The following FLACC1 variants were observed in gnomAD, a reference collection of about 807,000 sequenced individuals.
FLACC1 encodes flagellum associated containing coiled-coil domains 1.
A neutral mutation model predicts 62.8 loss-of-function variants in FLACC1; 66 were observed. The observed-to-expected ratio is 1.05, with a 90% CI of 0.86 to 1.29. The LOEUF (loss-of-function observed/expected upper bound fraction) is 1.29, where lower values mean the gene tolerates loss of function less well. Among genes scored for constraint, FLACC1 ranks in the 50% most tolerant of loss-of-function variants. The pLI, the probability that FLACC1 is intolerant of heterozygous loss-of-function variation, is 0.00. For missense variants in FLACC1, 452 were observed against 489.1 expected (o/e 0.92, Z 0.71); for synonymous variants, 156 against 161.0 (o/e 0.97, Z 0.24).
Position 201,288,737 on chromosome 2 carries a change from G to A in FLACC1, c.1187C>T (p.Ser396Phe). 6.2e-7 allele frequency: 1 copy of A among 1,613,888 alleles called. No homozygotes were observed. The highest frequency in any genetic ancestry group is 8.5e-7 in the Non-Finnish European group (1 of 1,179,958). The stretch of plus-strand genomic sequence containing the variant: ...AACAGTAATAGAGGCCAATCTCCCA[G>A]AACATCCTTCACAAATTTCTTCATT... Reference protein sequence around the residue: ...SKNEEICEGCSGRLASITVSK... With the variant: ...SKNEEICEGCFGRLASITVSK... Residue 396 changes from serine to phenylalanine, a missense_variant, in exon 15 of 15, where the codon TCT (serine) becomes TTT (phenylalanine). Transcript: ENST00000392257.
intron 5 of FLACC1, among the ~76,000 whole-genome samples, chr2:201,345,868 A>G (rs1950903249): frequency 6.6e-6 from 1 of 152,106 alleles, no homozygotes; most frequent in African/African-American, 2.4e-5. Context: ...GTATTTTTGG[A>G]CATAATGAAA....
intron 7 of FLACC1, among the ~76,000 whole-genome samples, chr2:201,332,595 T>A (rs1448902514): frequency 6.6e-6 from 1 of 152,166 alleles, no homozygotes; most frequent in Non-Finnish European, 1.5e-5. Flanking sequence ...TTAGCAATTT[T>A]GAAATGTCCA....
At chr2:201,320,791 T>A (rs931856901) in intron 9 of FLACC1, among the ~76,000 whole-genome samples, 1 of 152,200 alleles carries the variant, frequency 6.6e-6, no homozygotes, top group South Asian at 2.1e-4. Context: ...TCTTGGGGGC[T>A]ATATAGCCCC....
chr2:201,316,021 A>G (rs1254268344), intron 9 of FLACC1, among the ~76,000 whole-genome samples: 1 of 152,158 alleles, frequency 6.6e-6, no homozygotes, highest in East Asian at 1.9e-4. Context: ...ACAGTGACAT[A>G]AAACCTATCA....
chr2:201,330,096 T>C (rs1301835931), intron 9 of FLACC1, among the ~76,000 whole-genome samples: 1 of 152,128 alleles, frequency 6.6e-6, no homozygotes, highest in Non-Finnish European at 1.5e-5. Flanking sequence ...AAAGAACATA[T>C]AAAAAATATA....
At chr2:201,330,692 C>T (rs891514522) in intron 8 of FLACC1, 44 bp downstream of exon 8, 1 of 1,598,252 alleles carries the variant, frequency 6.3e-7, no homozygotes, top group South Asian at 1.1e-5. Flanking sequence ...AATGCCATTG[C>T]CTGGACCTTC....
At chr2:201,331,737 T>C (rs925714765) in intron 7 of FLACC1, among the ~76,000 whole-genome samples, 21 of 152,314 alleles carry the variant, frequency 1.4e-4, no homozygotes, top group African/African-American at 4.6e-4. Context: ...GCGAAGCAGA[T>C]TTTTAGGGCA....
chr2:201,297,969 A>G (rs1203848975), intron 12 of FLACC1, among the ~76,000 whole-genome samples: 1 of 151,952 alleles, frequency 6.6e-6, no homozygotes, highest in Non-Finnish European at 1.5e-5. Flanking sequence ...AACATCAAAG[A>G]CCCCCAGGTA....
At chr2:201,332,947 T>A (rs1191906891) in intron 7 of FLACC1, among the ~76,000 whole-genome samples, 1 of 152,232 alleles carries the variant, frequency 6.6e-6, no homozygotes. Context: ...ATTTTCTTTA[T>A]CCATTGATCA....
At chr2:201,323,029 T>G (rs1041175377) in intron 9 of FLACC1, among the ~76,000 whole-genome samples, 1 of 151,320 alleles carries the variant, frequency 6.6e-6, no homozygotes, top group Admixed American at 6.6e-5. Context: ...ACTAACCCAA[T>G]CAGACAAAAA....
intron 11 of FLACC1, among the ~76,000 whole-genome samples, chr2:201,304,809 C>A (rs778778466): frequency 6.6e-6 from 1 of 152,056 alleles, no homozygotes; most frequent in African/African-American, 2.4e-5. Flanking sequence ...CTTTGACAAA[C>A]CTGACAAAAA....
chr2:201,335,272 T>C (rs1190490580), intron 7 of FLACC1, among the ~76,000 whole-genome samples: 1 of 128,602 alleles, frequency 7.8e-6, no homozygotes, highest in African/African-American at 2.5e-5. Context: ...CTAGACTCTA[T>C]TTCATTTATT....
chr2:201,289,053 A>G (rs903024550), intron 14 of FLACC1, among the ~76,000 whole-genome samples: 2 of 152,256 alleles, frequency 1.3e-5, no homozygotes, highest in Admixed American at 1.3e-4. Context: ...ATGCAGCTTC[A>G]GGTAACAGTA....
At chr2:201,311,538 C>A (rs1421126967) in intron 9 of FLACC1, among the ~76,000 whole-genome samples, 2 of 151,772 alleles carry the variant, frequency 1.3e-5, no homozygotes, top group Admixed American at 6.6e-5. Flanking sequence ...TGATATGAGA[C>A]CCCACATCTA....
At position 201,351,445 on chromosome 2, in the gene FLACC1, G is replaced by A. The variant is rs371594251; in HGVS notation, c.-41C>T. The A allele has an allele frequency of 6.9e-7, 1 of 1,455,504 alleles. No homozygotes were observed. The highest frequency in any genetic ancestry group is 1.4e-5 in the African/African-American group (1 of 71,302). The allele number at this position is 1,455,504 out of a possible 1,614,324, so 90.2% of individuals were successfully genotyped here. Reference sequence around the variant, plus strand: ...GGAGTCTTGGCTGCTAGATCAGGAGGCTCTTGCTGAAATTGAAAAACAACA... The same window carrying A: ...GGAGTCTTGGCTGCTAGATCAGGAGACTCTTGCTGAAATTGAAAAACAACA... On this transcript the variant is annotated 5_prime_UTR_variant, in exon 2 of 15. Transcript: ENST00000392257.
intron 9 of FLACC1, among the ~76,000 whole-genome samples, chr2:201,314,466 A>C (rs932375404): frequency 3.9e-5 from 6 of 152,190 alleles, no homozygotes; most frequent in Admixed American, 3.9e-4. Flanking sequence ...AAGGTTTTTG[A>C]ATTAACCCAA....
At chr2:201,356,889 C>T (rs535581345) in intron 1 of FLACC1, 93 bp downstream of exon 1, 1 of 152,288 alleles carries the variant, frequency 6.6e-6, no homozygotes, top group African/African-American at 2.4e-5. Flanking sequence ...ACAATAGTCA[C>T]CAGTGAGCCG....
At chr2:201,344,412 G>A in intron 5 of FLACC1, 149 bp from the exon 6 acceptor site, 1 of 681,346 alleles carries the variant, frequency 1.5e-6, no homozygotes. Flanking sequence ...TGGGGTGGGG[G>A]TGGAGGGATA....
At chr2:201,293,230 C>T (rs906728840) in intron 12 of FLACC1, among the ~76,000 whole-genome samples, 1 of 152,228 alleles carries the variant, frequency 6.6e-6, no homozygotes, top group Non-Finnish European at 1.5e-5. Flanking sequence ...TTCTTCTCAG[C>T]ACCACATCGC....
Sources: allele counts gnomAD v4.1 joint callset (sites outside exome capture counted in the v4.1 genomes callset), GRCh38; gene constraint gnomAD v4.1.1; transcripts MANE v1.5; gene names NCBI Gene and HGNC (gene_info 2026-07-23, HGNC 2026-07-21).